Variants in NOTCH4 observed in about 807,000 individuals in gnomAD.
NOTCH4 encodes the protein notch receptor 4.
In NOTCH4, 138 loss-of-function variants were observed where a neutral mutation model predicts 189.0. That is an observed-to-expected ratio of 0.73 (90% CI 0.64 to 0.84). The LOEUF is 0.84. NOTCH4 is among the 40% of genes least tolerant of loss of function. The pLI, the probability that NOTCH4 is intolerant of heterozygous loss-of-function variation, is 0.00. For missense variants in NOTCH4, 2,286 were observed against 2,605.4 expected (o/e 0.88, Z 2.67); for synonymous variants, 942 against 1,032.8 (o/e 0.91, Z 1.69).
intron 12 of NOTCH4, 100 bp from the exon 13 acceptor site, chr6:32,214,355 T>G: frequency 7.4e-7 from 1 of 1,354,590 alleles, no homozygotes; most frequent in Non-Finnish European, 1.0e-6. Context: ...CTTTTGGCCC[T>G]GAGATTCTGG....
Position 32,201,087 on chromosome 6 carries a change from T to C in NOTCH4, c.4139+30A>G. On this transcript the variant is annotated intron_variant, in intron 22 of 29. Coordinates refer to ENST00000375023, the MANE Select transcript of NOTCH4 (RefSeq NM_004557.4). The surrounding 1 kb of genome is among the most constrained non-coding windows in gnomAD (Gnocchi z 5.5). Reference sequence around the variant, plus strand: ...CTCTGCCCTCTTAAAAAAACTGGTGTCTGGCCCTTCCCTCCACCTAGCTTC... The same window carrying C: ...CTCTGCCCTCTTAAAAAAACTGGTGCCTGGCCCTTCCCTCCACCTAGCTTC... The C allele has an allele frequency of 6.3e-7, 1 of 1,586,994 alleles. No homozygotes were observed. Among genetic ancestry groups the C allele is most frequent in the Non-Finnish European group, 8.6e-7 (1 of 1,166,614 alleles).
In NOTCH4 at chr6:32,195,782, C is replaced by A. The variant is rs1333303582; in HGVS notation, c.5667G>T (p.Arg1889=). The A allele has an allele frequency of 1.2e-6, 2 of 1,607,314 alleles. No homozygotes were observed. The highest frequency in any genetic ancestry group is 1.7e-6 in the Non-Finnish European group (2 of 1,179,470). The change falls in exon 30 of 30, where the codon CGG becomes CGT. Residue 1889 remains arginine (R), a synonymous_variant. Coordinates refer to ENST00000375023, the MANE Select transcript of NOTCH4 (RefSeq NM_004557.4). The surrounding 1 kb of genome is among the most constrained non-coding windows in gnomAD (Gnocchi z 5.4). ...ARTWSVDLAA[R]GGGAYSHCRS... is the part of the protein sequence containing the mutation. ...GGCAATGAGAATAGGCCCCGCCCCCCCGCGCAGCCAAGTCTACGGACCAAG... is the reference window on the plus strand; with the variant it reads ...GGCAATGAGAATAGGCCCCGCCCCCACGCGCAGCCAAGTCTACGGACCAAG...
At chr6:32,222,951 CT>C (rs972251260) in intron 2 of NOTCH4, 53 bp downstream of exon 2, 27 of 1,564,868 alleles carry the variant, frequency 1.7e-5, no homozygotes, top group African/African-American at 4.1e-5. Context: ...CTCTCCCCCC[CT>C]GCTCTCCCTC....
In NOTCH4 at chr6:32,202,162, G is replaced by A; in HGVS notation, c.3669C>T (p.Leu1223=). 1 of 1,521,594 alleles carries A rather than the reference G, an allele frequency of 6.6e-7. No homozygotes were observed. The highest frequency in any genetic ancestry group is 8.8e-7 in the Non-Finnish European group (1 of 1,135,212). The allele number at this position is 1,521,594 out of a possible 1,614,324, so 94.3% of individuals were successfully genotyped here. Reference sequence around the variant, plus strand: ...GTGGGTGGCACTGCCCGTCCCGGAAGAGAAGCCAGCACCGAGAGTGGGAGG... The same window carrying A: ...GTGGGTGGCACTGCCCGTCCCGGAAAAGAAGCCAGCACCGAGAGTGGGAGG... The part of the protein sequence containing the change: ...GCPSHSRCWL[L]FRDGQCHPQC... Residue 1223 remains leucine, a synonymous_variant, in exon 21 of 30, where the codon CTC becomes CTT. Transcript: ENST00000375023. The surrounding 1 kb of genome is among the most constrained non-coding windows in gnomAD (Gnocchi z 5.7).
chr6:32,215,191 G>C, intron 12 of NOTCH4, 35 bp downstream of exon 12: 1 of 1,544,408 alleles, frequency 6.5e-7, no homozygotes, highest in East Asian at 2.3e-5. Flanking sequence ...GAGCCCAAAG[G>C]AGGGGGCAGA....
At position 32,203,906 on chromosome 6, in the gene NOTCH4, T is replaced by C. The variant is rs2071277; in HGVS notation, c.3119-24A>G. 740,655 of 1,537,900 alleles carry C rather than the reference T, an allele frequency of 0.48. 181,533 individuals are homozygous for C. The highest frequency in any genetic ancestry group is 0.59 in the South Asian group (49,355 of 83,840). ...GCCTGTAATTATGGGGGAGATTAGATGTCACACACTGCATCAGTCACTGCC... is the reference window on the plus strand; with the variant it reads ...GCCTGTAATTATGGGGGAGATTAGACGTCACACACTGCATCAGTCACTGCC... On this transcript the variant is annotated intron_variant, in intron 19 of 29. Transcript: ENST00000375023.
chr6:32,211,736 A>G (rs1385236567), intron 17 of NOTCH4, among the ~76,000 whole-genome samples: 2 of 152,138 alleles, frequency 1.3e-5, no homozygotes, highest in Non-Finnish European at 2.9e-5. Flanking sequence ...CTGGGTGGAG[A>G]CTGGTCTGGG....
At position 32,198,231 on chromosome 6, in the gene NOTCH4, A is replaced by G. The variant is rs908050741; in HGVS notation, c.4756+190T>C. Among the ~76,000 whole-genome samples, 1 of 152,226 alleles carries G rather than the reference A, an allele frequency of 6.6e-6. No homozygotes were observed. The highest frequency in any genetic ancestry group is 2.4e-5 in the African/African-American group (1 of 41,464). ...GTCAGTAGCTCTGTAGTGGAGCCCA[A>G]TAATTTGCATTTCTGACAAATTCCC... is the stretch of plus-strand genomic sequence containing the variant. On this transcript the variant is annotated intron_variant, in intron 26 of 29. Transcript: ENST00000375023. This position sits in a 1 kb window ranked among gnomAD's most constrained non-coding sequence, Gnocchi z 5.5.
At position 32,196,141 on chromosome 6, in the gene NOTCH4, G is replaced by A; in HGVS notation, c.5308C>T (p.Pro1770Ser). ...KDAQDNREQTPLFLAAREGAV... is the reference protein window; with the variant it reads ...KDAQDNREQTSLFLAAREGAV... ...CCTTCCCGCGCCGCCAGGAATAGCG[G>A]CGTCTGCTCCTGTACAGAAGAGCCA... The change falls in exon 30 of 30, where the codon CCG becomes TCG. Residue 1770 changes from proline to serine, a missense_variant. Physicochemically the swap from Pro to Ser is moderately conservative, Grantham distance 74 (BLOSUM62 -1). Transcript: ENST00000375023. The A allele has an allele frequency of 6.3e-7, 1 of 1,590,430 alleles. No individual in the cohort carries two copies. Among genetic ancestry groups the A allele is most frequent in the South Asian group, 1.1e-5 (1 of 89,908 alleles).
Position 32,223,919 on chromosome 6 carries a change from G to A in NOTCH4, c.10C>T (p.Pro4Ser), listed in dbSNP as rs777583421. 1.3e-6 allele frequency: 2 copies of A among 1,598,636 alleles called. No homozygotes were observed. The highest frequency in any genetic ancestry group is 1.4e-5 in the African/African-American group (1 of 74,052). Reference protein sequence around the residue: MQPPSLLLLLLLLL... With the variant: MQPSSLLLLLLLLL... ...AGCAGCAGCAGCAGCAGCAGTGAAG[G>A]GGGCTGCATTCCACAGCCCCTTCTC... The change falls in exon 1 of 30, where the codon CCT (proline) becomes TCT (serine). Residue 4 changes from proline to serine, a missense_variant. Pro to Ser is a moderately conservative substitution (Grantham distance 74, BLOSUM62 -1). Transcript: ENST00000375023.
rs769246330 is a variant in NOTCH4, at chr6:32,220,709, C to A, written c.922+47G>T. On this transcript the variant is annotated intron_variant, in intron 5 of 29. Transcript: ENST00000375023. ...CCTATGAGTAGGGGAGGCCAGGGGC[C>A]AACTCTCTGGGCCATGGGTGTCATG... 3.1e-6 allele frequency: 5 copies of A among 1,612,786 alleles called. No homozygotes were observed. The South Asian group carries it at 5.5e-5, about 18-fold the overall frequency.
At chr6:32,213,110 C>G (rs1247091752) in intron 15 of NOTCH4, 25 bp downstream of exon 15, 1 of 1,569,756 alleles carries the variant, frequency 6.4e-7, no homozygotes, top group African/African-American at 1.4e-5. Flanking sequence ...TTTCTCCCTT[C>G]TAGGGGTCTT....
Position 32,217,920 on chromosome 6 carries a change from G to C in NOTCH4, c.1624+75C>G. ...TAGAGAGAGCTTCAAGTGGCCTTGG[G>C]TGATTGCTGAGCCTGAACTCTGCAG... On this transcript the variant is annotated intron_variant, in intron 9 of 29. Coordinates refer to ENST00000375023, the MANE Select transcript of NOTCH4 (RefSeq NM_004557.4). This position sits in a 1 kb window ranked among gnomAD's most constrained non-coding sequence, Gnocchi z 4.2. 1 of 961,390 alleles carries C rather than the reference G, an allele frequency of 1.0e-6. No homozygotes were observed. Among genetic ancestry groups the C allele is most frequent in the Non-Finnish European group, 1.7e-6 (1 of 604,780 alleles). 59.6% of individuals were successfully genotyped at this position (961,390 alleles called of 1,614,324 possible).
At chr6:32,218,563 A>G (rs1789560163) in intron 8 of NOTCH4, among the ~76,000 whole-genome samples, 1 of 152,096 alleles carries the variant, frequency 6.6e-6, no homozygotes. Flanking sequence ...TGTTGCTCCT[A>G]TATTTGTCCC....
chr6:32,221,366 G>A lies in NOTCH4; in HGVS notation c.452-41C>T, dbSNP rs1358976595. ...GAGGGAGCCGTTTCTAGCATTGTAC[G>A]AATTCTAGCCCATCTGAGGTTACCC... On this transcript the variant is annotated intron_variant, in intron 3 of 29. Coordinates refer to ENST00000375023, the MANE Select transcript of NOTCH4 (RefSeq NM_004557.4). This position sits in a 1 kb window ranked among gnomAD's most constrained non-coding sequence, Gnocchi z 4.3. The A allele has an allele frequency of 7.4e-6, 11 of 1,495,220 alleles. No homozygotes were observed. The highest frequency in any genetic ancestry group is 2.3e-5 in the East Asian group (1 of 44,226). 92.6% of individuals were successfully genotyped at this position (1,495,220 alleles called of 1,614,324 possible).
chr6:32,208,953 A>G (rs1161082190), intron 18 of NOTCH4, among the ~76,000 whole-genome samples: 1 of 152,230 alleles, frequency 6.6e-6, no homozygotes, highest in African/African-American at 2.4e-5. Flanking sequence ...CTGCATCCCC[A>G]TATTTATTGC....
chr6:32,195,636 G>A lies in NOTCH4; in HGVS notation c.5813C>T (p.Ala1938Val), dbSNP rs761866463. Reference protein sequence around the residue: ...AIMRGRYGVAAGRGGRVSTDD... With the variant: ...AIMRGRYGVAVGRGGRVSTDD... ...CGTTGAGACCCTGCCTCCGCGCCCGGCAGCCACTCCGTATCTTCCTCGCAT... is the reference window on the plus strand; with the variant it reads ...CGTTGAGACCCTGCCTCCGCGCCCGACAGCCACTCCGTATCTTCCTCGCAT... The change falls in exon 30 of 30, where the codon GCC becomes GTC. Residue 1938 changes from alanine (A) to valine (V), a missense_variant. Coordinates refer to ENST00000375023, the MANE Select transcript of NOTCH4 (RefSeq NM_004557.4). This position sits in a 1 kb window ranked among gnomAD's most constrained non-coding sequence, Gnocchi z 5.4. The A allele has an allele frequency of 1.2e-6, 2 of 1,612,578 alleles. No homozygotes were observed. Among genetic ancestry groups the A allele is most frequent in the Non-Finnish European group, 1.7e-6 (2 of 1,179,860 alleles).
rs1789229886 is a variant in NOTCH4, at chr6:32,214,243, C to T, written c.2034G>A (p.Val678=). The T allele has an allele frequency of 3.7e-6, 6 of 1,613,382 alleles. No homozygotes were observed. The highest frequency in any genetic ancestry group is 4.2e-6 in the Non-Finnish European group (5 of 1,179,732). Residue 678 remains valine (V), a synonymous_variant, in exon 13 of 30, where the codon GTG becomes GTA. Transcript: ENST00000375023. ...CTGGCCCCGTCCAACCCACGTCACA[C>T]ACACATGAGGATCTGGTTGTAAAGA... ...HHGHCQRSSC[V]CDVGWTGPEC...
intron 18 of NOTCH4, among the ~76,000 whole-genome samples, chr6:32,207,181 G>C (rs538680509): frequency 6.6e-6 from 1 of 151,064 alleles, no homozygotes; most frequent in East Asian, 2.0e-4. Context: ...TGCCCGCCTT[G>C]GTCTCCCAAA....
Sources: gnomAD v4.1 joint callset for allele counts (sites outside exome capture counted in the v4.1 genomes callset) on GRCh38, gnomAD v4.1.1 for gene constraint, Gnocchi (gnomAD v3.1) non-coding constraint, MANE v1.5 for transcripts, NCBI Gene and HGNC (gene_info 2026-07-23, HGNC 2026-07-21) for gene names.